Variants in LPAR1 observed in about 807,000 individuals in gnomAD.
LPAR1 encodes the protein LPA receptor 1.
In LPAR1, 5 loss-of-function variants were observed where a neutral mutation model predicts 23.8. The observed-to-expected ratio is 0.21, with a 90% confidence interval of 0.11 to 0.44. LPAR1 has a LOEUF of 0.44. Ranked by LOEUF, LPAR1 falls within the 20% of genes least tolerant of loss-of-function variation. The pLI, the probability that LPAR1 is intolerant of heterozygous loss-of-function variation, is 0.99. For missense variants in LPAR1, 311 were observed against 482.8 expected (o/e 0.64, Z 3.33); for synonymous variants, 160 against 164.7 (o/e 0.97, Z 0.22).
chr9:110,878,595 T>C (rs2079795296), intron 5 of LPAR1, among the ~76,000 whole-genome samples: 1 of 152,022 alleles, frequency 6.6e-6, no homozygotes. Flanking sequence ...ACCTGAAAGG[T>C]TGATAAGAGT....
chr9:110,910,655 C>T (rs141308270), intron 5 of LPAR1, among the ~76,000 whole-genome samples: 14 of 152,252 alleles, frequency 9.2e-5, no homozygotes, highest in Middle Eastern at 3.4e-3. Flanking sequence ...AAAGAATTCA[C>T]CATTCTAGAT....
intron 4 of LPAR1, among the ~76,000 whole-genome samples, chr9:110,953,555 TG>T (rs1160535322): frequency 1.3e-5 from 2 of 151,418 alleles, no homozygotes; most frequent in East Asian, 3.9e-4. Flanking sequence ...CCCAACTACT[TG>T]GGAGGCTGAG....
chr9:110,979,036 T>C (rs573222617), intron 2 of LPAR1, among the ~76,000 whole-genome samples: 2 of 152,088 alleles, frequency 1.3e-5, no homozygotes, highest in South Asian at 2.1e-4. Context: ...ACAGTGACTA[T>C]AGATAATGAT....
At chr9:110,977,440 C>A (rs557905418) in intron 2 of LPAR1, among the ~76,000 whole-genome samples, 1 of 152,306 alleles carries the variant, frequency 6.6e-6, no homozygotes, top group African/African-American at 2.4e-5. Context: ...CTGAGTGCCA[C>A]ACCAAATACC....
At chr9:110,940,434 C>T (rs1370960716) in intron 5 of LPAR1, among the ~76,000 whole-genome samples, 1 of 152,162 alleles carries the variant, frequency 6.6e-6, no homozygotes, top group Non-Finnish European at 1.5e-5. Flanking sequence ...ATTATAGGAA[C>T]TTTCCATTGA....
At chr9:110,889,786 T>C (rs1029186887) in intron 5 of LPAR1, among the ~76,000 whole-genome samples, 9 of 152,202 alleles carry the variant, frequency 5.9e-5, no homozygotes, top group Non-Finnish European at 1.0e-4. Flanking sequence ...TCACATACCC[T>C]AATTAAGTGA....
At chr9:110,880,694 A>G (rs2080507421) in intron 5 of LPAR1, among the ~76,000 whole-genome samples, 1 of 152,206 alleles carries the variant, frequency 6.6e-6, no homozygotes, top group African/African-American at 2.4e-5. Context: ...CTTGTTTTTC[A>G]AATGAGGATC....
Position 110,894,347 on chromosome 9 carries a change from G to T in LPAR1, c.794-18625C>A, listed in dbSNP as rs112827568. On this transcript the variant is annotated intron_variant, in intron 5 of 5. Coordinates refer to ENST00000683809, the MANE Select transcript of LPAR1 (RefSeq NM_001351411.2). Reference sequence around the variant, plus strand: ...GACATTGGACAAGTTATTCACTTTTGCCCAGCCTCAATATCCTTATCTGTC... The same window carrying T: ...GACATTGGACAAGTTATTCACTTTTTCCCAGCCTCAATATCCTTATCTGTC... 5.0e-3 allele frequency among the ~76,000 whole-genome samples: 764 copies of T among 152,136 alleles called. 7 individuals are homozygous for T. Among genetic ancestry groups the T allele is most frequent in the African/African-American group, 0.017 (713 of 41,514 alleles).
At chr9:110,980,969 T>C (rs999763405) in intron 2 of LPAR1, among the ~76,000 whole-genome samples, 1 of 152,094 alleles carries the variant, frequency 6.6e-6, no homozygotes, top group Non-Finnish European at 1.5e-5. Context: ...ATCCCAAGCA[T>C]CATTTAATTT....
rs80018774 is a variant in LPAR1 at position 111,006,933 on chromosome 9, G to A, written c.-182+29189C>T. On this transcript the variant is annotated intron_variant, in intron 2 of 5. Coordinates refer to ENST00000683809, the MANE Select transcript of LPAR1 (RefSeq NM_001351411.2). ...TGATGGGAGGTGTTTGGATCATGGG[G>A]ACAGATCCCTCATGAATGGTTCTGG... is the stretch of plus-strand genomic sequence containing the variant. Among the ~76,000 whole-genome samples the A allele has an allele frequency of 6.5e-3, 989 of 152,064 alleles. 11 individuals carry two copies. The highest frequency in any genetic ancestry group is 0.023 in the African/African-American group (952 of 41,482).
intron 5 of LPAR1, among the ~76,000 whole-genome samples, chr9:110,915,894 TCTTA>T (rs1461361815): frequency 6.6e-6 from 1 of 152,196 alleles, no homozygotes; most frequent in East Asian, 1.9e-4. Context: ...CTTCTGAGTG[TCTTA>T]CTTCTCACTT....
At chr9:110,953,878 A>G (rs1441642591) in intron 4 of LPAR1, among the ~76,000 whole-genome samples, 2 of 152,146 alleles carry the variant, frequency 1.3e-5, no homozygotes, top group Non-Finnish European at 2.9e-5. Context: ...AATTATCAAC[A>G]TGCGAACAAA....
intron 4 of LPAR1, among the ~76,000 whole-genome samples, chr9:110,961,637 A>AG (rs1330539576): frequency 6.9e-6 from 1 of 145,162 alleles, no homozygotes; most frequent in African/African-American, 2.6e-5. Flanking sequence ...AAAAAAAAAA[A>AG]AAAGAAAGAA....
intron 5 of LPAR1, among the ~76,000 whole-genome samples, chr9:110,890,805 A>G (rs1406952282): frequency 6.6e-6 from 1 of 152,248 alleles, no homozygotes; most frequent in Non-Finnish European, 1.5e-5. Flanking sequence ...AATTCACCAC[A>G]CTATTAAGAA....
chr9:111,006,338 G>C (rs774634463), intron 2 of LPAR1, among the ~76,000 whole-genome samples: 48 of 152,110 alleles, frequency 3.2e-4, no homozygotes, highest in Non-Finnish European at 7.3e-5. Context: ...CATTCCCAAT[G>C]GCCATTAGGA....
intron 2 of LPAR1, among the ~76,000 whole-genome samples, chr9:111,001,720 A>G (rs1480648838): frequency 6.6e-6 from 1 of 152,112 alleles, no homozygotes; most frequent in African/African-American, 2.4e-5. Context: ...AATCTAATGT[A>G]GGGAAAGCTG....
At chr9:111,012,372 A>G (rs1332625582) in intron 2 of LPAR1, among the ~76,000 whole-genome samples, 1 of 152,160 alleles carries the variant, frequency 6.6e-6, no homozygotes, top group East Asian at 1.9e-4. Flanking sequence ...GGCATTTCTG[A>G]TGACAGTAAA....
Position 110,873,636 on chromosome 9 carries a change from C to G in LPAR1, c.*1785G>C, listed in dbSNP as rs1196595365. 2.0e-5 allele frequency: 3 copies of G among 152,216 alleles called. No individual in the cohort carries two copies. In the East Asian group the frequency reaches 5.8e-4, roughly 29 times the overall value. 9.4% of individuals were successfully genotyped at this position (152,216 alleles called of 1,614,324 possible). The stretch of plus-strand genomic sequence containing the variant: ...TTGTTACAGCAAACTGATGCAACTA[C>G]TAGTCTACCTGGACAACATATTAAA... On this transcript the variant is annotated 3_prime_UTR_variant, in exon 6 of 6. Coordinates refer to ENST00000683809, the MANE Select transcript of LPAR1 (RefSeq NM_001351411.2).
At chr9:111,002,965 C>T (rs779447117) in intron 2 of LPAR1, among the ~76,000 whole-genome samples, 1 of 151,648 alleles carries the variant, frequency 6.6e-6, no homozygotes, top group Non-Finnish European at 1.5e-5. Flanking sequence ...ATGGTGAGAC[C>T]CCATCTCTAC....
Sources: gnomAD v4.1 joint callset for allele counts (sites outside exome capture counted in the v4.1 genomes callset) on GRCh38, gnomAD v4.1.1 for gene constraint, MANE v1.5 for transcripts, NCBI Gene and HGNC (gene_info 2026-07-23, HGNC 2026-07-21) for gene names.